Variants in ATRX observed in about 807,000 individuals in gnomAD.
ATRX encodes ATRX chromatin remodeler.
Under a neutral mutation model 172.6 loss-of-function variants are expected in ATRX, and 12 were observed. The ratio of observed to expected loss-of-function variants is 0.07; its 90% CI spans 0.04 to 0.11. ATRX has a LOEUF of 0.11. Ranked by LOEUF, ATRX falls within the 10% of genes least tolerant of loss-of-function variation. The pLI is 1.00. For missense variants in ATRX, 1,368 were observed against 1,767.4 expected (o/e 0.77, Z 4.05); for synonymous variants, 674 against 594.7 (o/e 1.13, Z -1.94).
chrX:77,762,907 A>G (rs1738971841), intron 1 of ATRX, among the ~76,000 whole-genome samples: 1 of 111,011 alleles, frequency 9.0e-6, no homozygotes, highest in South Asian at 3.8e-4. Flanking sequence ...GCACCAGAAG[A>G]AAAAAAATCA....
At chrX:77,778,208 C>T (rs1387650510) in intron 1 of ATRX, among the ~76,000 whole-genome samples, 1 of 109,418 alleles carries the variant, frequency 9.1e-6, no homozygotes, top group Non-Finnish European at 1.9e-5. Context: ...GGCACATGTA[C>T]CTTTTACAAG....
chrX:77,650,848 A>G (rs1839382313), intron 15 of ATRX, among the ~76,000 whole-genome samples: 2 of 111,817 alleles, frequency 1.8e-5, no homozygotes, highest in African/African-American at 6.5e-5. Flanking sequence ...TCAGCCTCCC[A>G]AAGTGTTGGG....
Position 77,682,694 on chromosome X carries a change from T to C in ATRX, c.2562A>G (p.Lys854=), listed in dbSNP as rs1557139352. 6 of 1,209,642 alleles carry C rather than the reference T, an allele frequency of 5.0e-6. No homozygotes were observed. The highest frequency in any genetic ancestry group is 6.7e-6 in the Non-Finnish European group (6 of 895,220). The change falls in exon 9 of 35, where the codon AAA becomes AAG. Residue 854 remains lysine (K), a synonymous_variant. Transcript: ENST00000373344. The stretch of plus-strand genomic sequence containing the variant: ...GATTATCCATTCCTTTTTTGCTGTG[T>C]TTCTCATCTTCAGAAGAGTCAAAAT... ...TKDFDSSEDE[K]HSKKGMDNQG... is the part of the protein sequence containing the mutation.
At chrX:77,733,401 T>G (rs2148817594) in intron 1 of ATRX, among the ~76,000 whole-genome samples, 1 of 111,081 alleles carries the variant, frequency 9.0e-6, no homozygotes, top group South Asian at 3.8e-4. Context: ...GACTTCAAAT[T>G]ATACCACAGA....
At chrX:77,600,669 G>T in intron 22 of ATRX, 105 bp from the exon 23 acceptor site, 1 of 875,652 alleles carries the variant, frequency 1.1e-6, no homozygotes, top group Non-Finnish European at 1.6e-6. Context: ...TTTTGGCAGT[G>T]TAGAGAAGCT....
rs782015757 is a variant in ATRX, at chrX:77,548,535, A to AC, written c.6699+8915dup. On this transcript the variant is annotated intron_variant, in intron 30 of 34. Transcript: ENST00000373344. Reference sequence around the variant, plus strand: ...GTTCACATACCACCATGTGGTTCATACCCCATAGGCTACTAACACTTGCTC... The same window carrying AC: ...GTTCACATACCACCATGTGGTTCATACCCCCATAGGCTACTAACACTTGCTC... Among the ~76,000 whole-genome samples the AC allele has an allele frequency of 2.0e-4, 22 of 112,127 alleles. No homozygotes were observed. In the East Asian group the frequency reaches 6.1e-3, roughly 31 times the overall value.
intron 13 of ATRX, among the ~76,000 whole-genome samples, chrX:77,654,442 C>T (rs2069437876): frequency 9.0e-6 from 1 of 110,809 alleles, no homozygotes; most frequent in East Asian, 2.8e-4. Flanking sequence ...CATAAAAGGA[C>T]ATTAAGACTA....
intron 1 of ATRX, among the ~76,000 whole-genome samples, chrX:77,784,950 TAATTCACATTGTGGGATGAA>T (rs1172190180): frequency 8.9e-6 from 1 of 112,021 alleles, no homozygotes; most frequent in Non-Finnish European, 1.9e-5. Flanking sequence ...AAAAATTACT[TAATTCACATTGTGGGATGAA>T]AATTCAAATG....
chrX:77,734,876 C>T (rs1375135606), intron 1 of ATRX, among the ~76,000 whole-genome samples: 1 of 109,797 alleles, frequency 9.1e-6, no homozygotes, highest in Non-Finnish European at 1.9e-5. Context: ...TTTGGGGGGC[C>T]GAGGCAGGTG....
chrX:77,629,414 C>T (rs1191916439), intron 19 of ATRX, among the ~76,000 whole-genome samples: 1 of 112,226 alleles, frequency 8.9e-6, no homozygotes, highest in Non-Finnish European at 1.9e-5. Context: ...TATCTAGATA[C>T]TATCACTAAA....
intron 23 of ATRX, 115 bp downstream of exon 23, chrX:77,600,316 TAAG>T: frequency 9.4e-6 from 8 of 855,169 alleles, no homozygotes; most frequent in Non-Finnish European, 1.4e-5. Context: ...AAATTAGAAA[TAAG>T]ACATAGAATA....
At chrX:77,725,910 A>G (rs1241551681) in intron 1 of ATRX, among the ~76,000 whole-genome samples, 91 of 112,559 alleles carry the variant, frequency 8.1e-4, no homozygotes, top group Non-Finnish European at 1.4e-3. Context: ...ATGCAAATCA[A>G]AACCACAATG....
intron 22 of ATRX, among the ~76,000 whole-genome samples, chrX:77,604,402 A>G (rs1297902437): frequency 8.9e-6 from 1 of 112,624 alleles, no homozygotes; most frequent in Admixed American, 9.4e-5. Flanking sequence ...AAAAATTCTC[A>G]ACATCACTAA....
intron 1 of ATRX, among the ~76,000 whole-genome samples, chrX:77,773,092 T>TAAAA (rs782649057): frequency 1.6e-3 from 58 of 37,340 alleles, no homozygotes; most frequent in East Asian, 4.3e-3. Context: ...AAATTTCAGC[T>TAAAA]AAAAAAAAAA....
chrX:77,777,191 TA>T (rs782165810), intron 1 of ATRX, among the ~76,000 whole-genome samples: 76 of 21,029 alleles, frequency 3.6e-3, no homozygotes, highest in East Asian at 0.017. Context: ...CTGTCTCTAC[TA>T]AAAAAAAAAA....
intron 1 of ATRX, among the ~76,000 whole-genome samples, chrX:77,741,524 C>G (rs574815526): frequency 9.0e-6 from 1 of 110,926 alleles, no homozygotes; most frequent in Non-Finnish European, 1.9e-5. Context: ...TGCAGTGGCA[C>G]GATCTCAGCT....
chrX:77,765,679 T>A (rs1189061055), intron 1 of ATRX, among the ~76,000 whole-genome samples: 4 of 108,992 alleles, frequency 3.7e-5, no homozygotes, highest in African/African-American at 6.6e-5. Flanking sequence ...CATTTTTTTT[T>A]AATTTTTTTT....
intron 27 of ATRX, among the ~76,000 whole-genome samples, chrX:77,585,583 CAA>C (rs781792876): frequency 5.8e-4 from 5 of 8,553 alleles, no homozygotes; most frequent in East Asian, 4.8e-3. Context: ...CTCCCCCCAC[CAA>C]AAAAAAAAAA....
chrX:77,682,904 A>G lies in ATRX; in HGVS notation c.2352T>C (p.Ser784=). Residue 784 remains serine, a synonymous_variant, in exon 9 of 35, where the codon TCT becomes TCC. Transcript: ENST00000373344. The part of the protein sequence containing the change: ...DDKGKRKRKS[S]TSGSDFDTKK... ...TAGTATCAAAATCTGAGCCAGATGT[A>G]GAACTTTTTCGTTTCCTTTTTCCTT... 1 of 1,210,968 alleles carries G rather than the reference A, an allele frequency of 8.3e-7. No individual in the cohort carries two copies. The highest frequency in any genetic ancestry group is 1.1e-6 in the Non-Finnish European group (1 of 895,249).
Sources: gnomAD v4.1 joint callset for allele counts (sites outside exome capture counted in the v4.1 genomes callset) on GRCh38, gnomAD v4.1.1 for gene constraint, MANE v1.5 for transcripts, NCBI Gene and HGNC (gene_info 2026-07-23, HGNC 2026-07-21) for gene names.